The following EYA3 variants were observed in gnomAD, a reference collection of about 807,000 sequenced individuals.
EYA3 encodes EYA transcriptional coactivator and phosphatase 3.
EYA3 carries 39 observed loss-of-function variants against 80.0 expected under a neutral mutation model. That is an observed-to-expected ratio of 0.49 (90% CI 0.38 to 0.64). The LOEUF (loss-of-function observed/expected upper bound fraction) is 0.64, where lower values mean the gene tolerates loss of function less well. Ranked by LOEUF, EYA3 falls within the 30% of genes least tolerant of loss-of-function variation. The pLI, the probability that EYA3 is intolerant of heterozygous loss-of-function variation, is 0.00. For missense variants in EYA3, 523 were observed against 676.1 expected (o/e 0.77, Z 2.51); for synonymous variants, 206 against 232.8 (o/e 0.88, Z 1.05).
intron 1 of EYA3, among the ~76,000 whole-genome samples, chr1:28,069,019 C>A (rs1381253471): frequency 6.6e-6 from 1 of 152,152 alleles, no homozygotes; most frequent in Non-Finnish European, 1.5e-5. Flanking sequence ...GTTGGCCAGG[C>A]TGGTCTCGAA....
chr1:28,072,360 T>C (rs114061971), intron 1 of EYA3, among the ~76,000 whole-genome samples: 1,616 of 152,238 alleles, frequency 0.011, 29 homozygotes, highest in African/African-American at 0.036. Flanking sequence ...TAAACAGTAA[T>C]GAGCTGCATT....
intron 2 of EYA3, among the ~76,000 whole-genome samples, chr1:28,056,735 G>A (rs1209208821): frequency 6.6e-6 from 1 of 152,112 alleles, no homozygotes; most frequent in Non-Finnish European, 1.5e-5. Context: ...CTTGTTAGCA[G>A]GTCAGCCTCA....
At chr1:28,030,742 G>C (rs1233170998) in intron 6 of EYA3, among the ~76,000 whole-genome samples, 2 of 152,186 alleles carry the variant, frequency 1.3e-5, no homozygotes, top group African/African-American at 4.8e-5. Flanking sequence ...TCATTTAAAT[G>C]TCTTGTCCAG....
At chr1:28,023,694 T>C (rs777616721) in intron 7 of EYA3, among the ~76,000 whole-genome samples, 2 of 152,106 alleles carry the variant, frequency 1.3e-5, no homozygotes, top group African/African-American at 4.8e-5. Context: ...TAAGGAGACA[T>C]AACTAAATGT....
chr1:28,059,332 GCT>G (rs1644537622), intron 1 of EYA3, among the ~76,000 whole-genome samples: 1 of 152,194 alleles, frequency 6.6e-6, no homozygotes, highest in African/African-American at 2.4e-5. Context: ...GATGCTCAAT[GCT>G]CTCACTGTAG....
intron 4 of EYA3, among the ~76,000 whole-genome samples, chr1:28,040,190 A>C (rs901258255): frequency 1.3e-5 from 2 of 152,214 alleles, no homozygotes; most frequent in Admixed American, 1.3e-4. Flanking sequence ...GAATAGCAAC[A>C]GTGGGGATGA....
In EYA3 at chr1:28,029,812, C is replaced by CAGG. The variant is rs1464696623; in HGVS notation, c.362-1887_362-1886insCCT. Reference sequence around the variant, plus strand: ...GTTTCACTATGTTGGTCAGGCTGGTCTCGAACTCCTGACCTCAGGAGTTCC... The same window carrying CAGG: ...GTTTCACTATGTTGGTCAGGCTGGTCAGGTCGAACTCCTGACCTCAGGAGTTCC... On this transcript the variant is annotated intron_variant, in intron 6 of 17. Transcript: ENST00000373871. Among the ~76,000 whole-genome samples the CAGG allele has an allele frequency of 2.6e-3, 398 of 152,060 alleles. 1 individual carries two copies. Among genetic ancestry groups the CAGG allele is most frequent in the African/African-American group, 8.8e-3 (365 of 41,466 alleles).
At chr1:28,064,378 C>CTATATA (rs71727340) in intron 1 of EYA3, among the ~76,000 whole-genome samples, 3 of 136,354 alleles carry the variant, frequency 2.2e-5, no homozygotes, top group Admixed American at 7.2e-5. Flanking sequence ...CTCTCTCTCT[C>CTATATA]TATATATATA....
chr1:28,032,659 G>A (rs765633722), intron 6 of EYA3, among the ~76,000 whole-genome samples: 25 of 152,154 alleles, frequency 1.6e-4, no homozygotes, highest in Non-Finnish European at 2.9e-4. Flanking sequence ...ATTCCTAGAA[G>A]TTAAACTTCT....
intron 11 of EYA3, among the ~76,000 whole-genome samples, chr1:28,001,738 CAAA>C (rs1160378243): frequency 8.0e-4 from 29 of 36,308 alleles, no homozygotes; most frequent in African/African-American, 2.7e-3. Context: ...GACTCTGTCT[CAAA>C]AAAAAAAAAA....
chr1:27,995,914 C>A (rs1640419371), intron 13 of EYA3, among the ~76,000 whole-genome samples: 1 of 152,064 alleles, frequency 6.6e-6, no homozygotes, highest in Non-Finnish European at 1.5e-5. Context: ...ACTCTGTCAC[C>A]CAGGTTGGAG....
intron 3 of EYA3, 40 bp downstream of exon 3, chr1:28,048,343 T>A: frequency 1.3e-6 from 2 of 1,489,758 alleles, no homozygotes; most frequent in Non-Finnish European, 9.2e-7. Flanking sequence ...AAAACAAAAC[T>A]TATGAGTAGT....
intron 11 of EYA3, 74 bp downstream of exon 11, chr1:28,004,262 T>C (rs1420997187): frequency 3.9e-6 from 4 of 1,033,510 alleles, no homozygotes; most frequent in African/African-American, 1.6e-5. Flanking sequence ...GAGAAATAAT[T>C]TGTTATGTGT....
At chr1:28,075,186 A>G (rs1334786738) in intron 1 of EYA3, among the ~76,000 whole-genome samples, 1 of 152,214 alleles carries the variant, frequency 6.6e-6, no homozygotes, top group Non-Finnish European at 1.5e-5. Context: ...TTTCCTAAGC[A>G]TGCAGCACAC....
At chr1:27,987,200 T>A (rs899681171) in intron 16 of EYA3, among the ~76,000 whole-genome samples, 1 of 152,246 alleles carries the variant, frequency 6.6e-6, no homozygotes, top group African/African-American at 2.4e-5. Context: ...ATAAATGGAA[T>A]CATAAAGTAT....
At position 28,018,452 on chromosome 1, in the gene EYA3, T is replaced by C. The variant is rs543805906; in HGVS notation, c.500-1213A>G. Among the ~76,000 whole-genome samples, 7 of 152,300 alleles carry C rather than the reference T, an allele frequency of 4.6e-5. No individual in the cohort carries two copies. In the South Asian group the frequency reaches 1.4e-3, roughly 32 times the overall value. On this transcript the variant is annotated intron_variant, in intron 7 of 17. Coordinates refer to ENST00000373871, the MANE Select transcript of EYA3 (RefSeq NM_001990.4). ...CATTTATCATAAACACACTTAGACA[T>C]GGTTCCTACTGCAGGTACACACACC...
chr1:27,978,493 T>C lies in EYA3; in HGVS notation c.1541-19A>G. ...TCCTTACCTGATGAGAAAAAGAAAT[T>C]TCCTGTTAGAATACTCTTCTCTTCT... On this transcript the variant is annotated intron_variant, in intron 16 of 17. Coordinates refer to ENST00000373871, the MANE Select transcript of EYA3 (RefSeq NM_001990.4). 6.3e-7 allele frequency: 1 copy of C among 1,597,184 alleles called. No homozygotes were observed. The highest frequency in any genetic ancestry group is 1.3e-5 in the African/African-American group (1 of 74,684).
At chr1:28,005,287 A>C (rs1641184478) in intron 10 of EYA3, among the ~76,000 whole-genome samples, 1 of 152,202 alleles carries the variant, frequency 6.6e-6, no homozygotes, top group African/African-American at 2.4e-5. Flanking sequence ...AATCCTCCTT[A>C]AACTCTTACA....
chr1:27,997,829 G>A (rs1053223064), intron 12 of EYA3, among the ~76,000 whole-genome samples: 2 of 152,120 alleles, frequency 1.3e-5, no homozygotes, highest in Non-Finnish European at 2.9e-5. Context: ...ACAGACGCTG[G>A]TAGTGTGGTA....
Sources: allele counts gnomAD v4.1 joint callset (sites outside exome capture counted in the v4.1 genomes callset), GRCh38; gene constraint gnomAD v4.1.1; transcripts MANE v1.5; gene names NCBI Gene and HGNC (gene_info 2026-07-23, HGNC 2026-07-21).